Variants in TBCB observed in about 807,000 individuals in gnomAD.
TBCB encodes the protein tubulin-folding cofactor B.
TBCB carries 18 observed loss-of-function variants against 29.2 expected under a neutral mutation model. The observed-to-expected ratio is 0.62, with a 90% CI of 0.43 to 0.91. The LOEUF (loss-of-function observed/expected upper bound fraction) is 0.91, where lower values mean the gene tolerates loss of function less well. Among genes scored for constraint, TBCB ranks in the 40% least tolerant of loss-of-function variants. The pLI, the probability that TBCB is intolerant of heterozygous loss-of-function variation, is 0.00. For synonymous variants in TBCB, 172 were observed against 137.8 expected (o/e 1.25, Z -1.74); for missense variants, 336 against 337.6 (o/e 1.00, Z 0.04).
chr19:36,121,933 G>T, intron 4 of TBCB: 1 of 661,612 alleles, frequency 1.5e-6, no homozygotes, highest in South Asian at 1.9e-5. Flanking sequence ...CAGGCGGAGT[G>T]ATCTGTCCAG....
At chr19:36,119,284 G>A (rs1213694129) in intron 2 of TBCB, among the ~76,000 whole-genome samples, 2 of 152,118 alleles carry the variant, frequency 1.3e-5, no homozygotes, top group African/African-American at 2.4e-5. Context: ...CGCTTCATCC[G>A]GAGGTAAAGG....
chr19:36,125,881 A>T lies in TBCB; in HGVS notation c.*99A>T, dbSNP rs1013268394. The T allele has an allele frequency of 4.5e-6, 4 of 886,036 alleles. No individual in the cohort carries two copies. Among genetic ancestry groups the T allele is most frequent in the Non-Finnish European group, 6.4e-6 (4 of 621,642 alleles). 54.9% of individuals were successfully genotyped at this position (886,036 alleles called of 1,614,324 possible). A position where few individuals can be genotyped will look rare whatever the true frequency, so the allele number is the denominator to read the frequency against. On this transcript the variant is annotated 3_prime_UTR_variant, in exon 6 of 6. Coordinates refer to ENST00000221855, the MANE Select transcript of TBCB (RefSeq NM_001281.3). ...TTTCTCCTGACCCCATTTTAATTTT[A>T]TTCATTTTTTCCTTTGCCATTGATT...
rs76448723 is a variant in TBCB at position 36,116,255 on chromosome 19, G to A, written c.258+71G>A. 2.7e-3 allele frequency: 4,200 copies of A among 1,580,664 alleles called. 48 individuals carry two copies. Among genetic ancestry groups the A allele is most frequent in the South Asian group, 0.02 (1,742 of 86,536 alleles). ...TGGTTATTCAACAGACACTTGCTGGGCTTTGCCCTCAGTCATACCCGAGAT... is the reference window on the plus strand; with the variant it reads ...TGGTTATTCAACAGACACTTGCTGGACTTTGCCCTCAGTCATACCCGAGAT... On this transcript the variant is annotated intron_variant, in intron 2 of 5. Transcript: ENST00000221855.
chr19:36,122,754 CAAAAA>C (rs200939642), intron 4 of TBCB, among the ~76,000 whole-genome samples: 1 of 62,798 alleles, frequency 1.6e-5, no homozygotes. Context: ...ACCCTGTCTC[CAAAAA>C]AAAAAAAAAA....
chr19:36,116,326 G>C, intron 2 of TBCB, 142 bp downstream of exon 2: 1 of 1,139,052 alleles, frequency 8.8e-7, no homozygotes, highest in Non-Finnish European at 1.2e-6. Context: ...ACGAGAGACA[G>C]ACCCATCATT....
Position 36,121,616 on chromosome 19 carries a change from C to G in TBCB, c.445C>G (p.Leu149Val). The G allele has an allele frequency of 6.4e-7, 1 of 1,555,282 alleles. No homozygotes were observed. The highest frequency in any genetic ancestry group is 8.7e-7 in the Non-Finnish European group (1 of 1,151,042). ...GCAGGAGGCCGAGGCCGCCCAGCGC[C>G]TGGCCGAGGAGAAGGCCCAGGCCAG... ...AQQEAEAAQR[L>V]AEEKAQASSI... Residue 149 changes from leucine (L) to valine (V), a missense_variant, in exon 4 of 6, where the codon CTG (leucine) becomes GTG (valine). By Grantham distance (32) the Leu-to-Val change is conservative. Coordinates refer to ENST00000221855, the MANE Select transcript of TBCB (RefSeq NM_001281.3).
chr19:36,117,576 T>G (rs537267259), intron 2 of TBCB, among the ~76,000 whole-genome samples: 1 of 152,204 alleles, frequency 6.6e-6, no homozygotes, highest in East Asian at 1.9e-4. Context: ...GGTCTTGAAC[T>G]CCTGACCTCA....
At chr19:36,115,907 C>T (rs1362004203) in intron 1 of TBCB, 134 bp from the exon 2 acceptor site, 2 of 1,337,746 alleles carry the variant, frequency 1.5e-6, no homozygotes, top group African/African-American at 1.5e-5. Flanking sequence ...GGGCAAGAGG[C>T]GAGGGGCTGG....
chr19:36,116,419 C>T, intron 2 of TBCB: 1 of 451,646 alleles, frequency 2.2e-6, no homozygotes, highest in Non-Finnish European at 3.9e-6. Context: ...TGCCTGACTC[C>T]ACCTGGGAGA....
intron 3 of TBCB, among the ~76,000 whole-genome samples, chr19:36,121,085 G>A (rs1974040943): frequency 7.1e-6 from 1 of 139,970 alleles, no homozygotes; most frequent in Non-Finnish European, 1.5e-5. Flanking sequence ...GGGGCTGGGT[G>A]TTGTCAGGGT....
At chr19:36,122,974 G>A (rs1180131898) in intron 4 of TBCB, among the ~76,000 whole-genome samples, 1 of 152,060 alleles carries the variant, frequency 6.6e-6, no homozygotes, top group Non-Finnish European at 1.5e-5. Flanking sequence ...CCATCCCCCA[G>A]TCGTCTTCAG....
rs866639426 is a variant in TBCB, at chr19:36,115,649, G to T, written c.89G>T (p.Arg30Leu). Residue 30 changes from arginine (R) to leucine (L), a missense_variant, in exon 1 of 6, where the codon CGC becomes CTC. Transcript: ENST00000221855. Reference sequence around the variant, plus strand: ...TTCCGCTCCGAGAAGCGATACAGCCGCAGCCTCACCATCGCTGAGTTCAAG... The same window carrying T: ...TTCCGCTCCGAGAAGCGATACAGCCTCAGCCTCACCATCGCTGAGTTCAAG... ...NTFRSEKRYS[R>L]SLTIAEFKCK... 3 of 1,589,524 alleles carry T rather than the reference G, an allele frequency of 1.9e-6. No homozygotes were observed. The highest frequency in any genetic ancestry group is 2.6e-6 in the Non-Finnish European group (3 of 1,166,886).
At chr19:36,120,897 G>T (rs1245046212) in intron 3 of TBCB, 91 bp downstream of exon 3, 4 of 1,218,244 alleles carry the variant, frequency 3.3e-6, no homozygotes, top group Admixed American at 1.9e-5. Context: ...GCCCCTGCAG[G>T]GAGGCCAGTG....
At chr19:36,123,866 C>T (rs1294036650) in intron 4 of TBCB, among the ~76,000 whole-genome samples, 2 of 152,162 alleles carry the variant, frequency 1.3e-5, no homozygotes, top group African/African-American at 4.8e-5. Flanking sequence ...CCATGCAAGA[C>T]TCCATCTCAA....
rs1490309515 is a variant in TBCB, at chr19:36,115,471, G to A, written c.-90G>A. The A allele has an allele frequency of 5.0e-6, 5 of 1,002,886 alleles. No individual in the cohort carries two copies. Among genetic ancestry groups the A allele is most frequent in the African/African-American group, 1.6e-5 (1 of 61,178 alleles). 62.1% of individuals were successfully genotyped at this position (1,002,886 alleles called of 1,614,324 possible). On this transcript the variant is annotated 5_prime_UTR_variant, in exon 1 of 6. Transcript: ENST00000221855. ...CAGGCACGGAGCAGGAGGCGGGGCTGATAGCCCAGCAGCAGCAGCGGCGGC... is the reference window on the plus strand; with the variant it reads ...CAGGCACGGAGCAGGAGGCGGGGCTAATAGCCCAGCAGCAGCAGCGGCGGC...
At chr19:36,115,018 G>C (rs1973919640), upstream of TBCB, 4 of 671,508 alleles carry the variant, frequency 6.0e-6, no homozygotes, top group Non-Finnish European at 1.0e-5. Context: ...CCGCGCAGAG[G>C]TTTCATGGCT....
intron 2 of TBCB, among the ~76,000 whole-genome samples, chr19:36,119,788 G>C (rs1042244693): frequency 9.2e-5 from 14 of 151,918 alleles, no homozygotes; most frequent in African/African-American, 3.4e-4. Flanking sequence ...AGCTGCCCGG[G>C]AGGCTGAGGC....
intron 4 of TBCB, 160 bp downstream of exon 4, chr19:36,121,878 C>A: frequency 1.1e-6 from 1 of 912,298 alleles, no homozygotes; most frequent in Non-Finnish European, 1.7e-6. Context: ...GAACCATCTG[C>A]CGACACTGAC....
rs1179550701 is a variant in TBCB, at chr19:36,116,300, C to A, written c.258+116C>A. On this transcript the variant is annotated intron_variant, in intron 2 of 5. Transcript: ENST00000221855. Reference sequence around the variant, plus strand: ...CGAGATAGGTCCTGCCTTCGTGGAGCCTCCAGTGCAGCCTGACGAGAGACA... The same window carrying A: ...CGAGATAGGTCCTGCCTTCGTGGAGACTCCAGTGCAGCCTGACGAGAGACA... 8.0e-6 allele frequency: 11 copies of A among 1,368,496 alleles called. No individual in the cohort carries two copies. In the East Asian group the frequency reaches 1.9e-4, roughly 23 times the overall value. 84.8% of individuals were successfully genotyped at this position (1,368,496 alleles called of 1,614,324 possible). A position where few individuals can be genotyped will look rare whatever the true frequency, so the allele number is the denominator to read the frequency against.
Sources: allele counts gnomAD v4.1 joint callset (sites outside exome capture counted in the v4.1 genomes callset), GRCh38; gene constraint gnomAD v4.1.1; transcripts MANE v1.5; gene names NCBI Gene and HGNC (gene_info 2026-07-23, HGNC 2026-07-21).